NDUFA5: variants seen among roughly 807,000 people sequenced by gnomAD.
NDUFA5 encodes NADH dehydrogenase [ubiquinone] 1 alpha subcomplex subunit 5.
A neutral mutation model predicts 19.8 loss-of-function variants in NDUFA5; 11 were observed. That is an observed-to-expected ratio of 0.56 (90% CI 0.35 to 0.92). The LOEUF (loss-of-function observed/expected upper bound fraction) is 0.92, where lower values mean the gene tolerates loss of function less well. Among genes scored for constraint, NDUFA5 ranks in the 40% least tolerant of loss-of-function variants. The pLI, the probability that NDUFA5 is intolerant of heterozygous loss-of-function variation, is 0.01. For missense variants in NDUFA5, 109 were observed against 134.2 expected, an observed-to-expected ratio of 0.81 and a Z score of 0.93; for synonymous variants, 47 against 46.8, an observed-to-expected ratio of 1.00 and a Z score of -0.01.
chr7:123,543,451 C>A (rs1036098462), intron 4 of NDUFA5, among the ~76,000 whole-genome samples: 1 of 152,096 alleles, frequency 6.6e-6, no homozygotes, highest in Non-Finnish European at 1.5e-5. Flanking sequence ...TACATGGCTA[C>A]TGGGGACTTG....
chr7:123,575,663 T>C, the NDUFA5 span, among the ~76,000 whole-genome samples: 1 of 152,108 alleles, frequency 6.6e-6, no homozygotes, highest in Non-Finnish European at 1.5e-5. Flanking sequence ...GTAACCTTTA[T>C]CTTTGAAGGA....
At chr7:123,557,546 T>C (rs113869493) in intron 1 of NDUFA5, 98 bp from the exon 2 acceptor site, 3 of 1,611,254 alleles carry the variant, frequency 1.9e-6, no homozygotes, top group Admixed American at 3.3e-5. Context: ...CGGCTAAAAC[T>C]GGTCTAAAGC....
chr7:123,578,250 T>C, the NDUFA5 span, among the ~76,000 whole-genome samples: 2 of 151,112 alleles, frequency 1.3e-5, no homozygotes, highest in East Asian at 1.9e-4. Context: ...TTTGTATCAG[T>C]TGGAAAAAAA....
chr7:123,546,637 TAA>T, intron 3 of NDUFA5: 1 of 1,267,386 alleles, frequency 7.9e-7, no homozygotes, highest in South Asian at 1.3e-5. Flanking sequence ...ATAAATGGAA[TAA>T]AGAGGGAGAA....
rs1797958269 is a variant in NDUFA5 at position 123,542,022 on chromosome 7, CT to C, written c.*96del. Reference sequence around the variant, plus strand: ...CCTACATATTTTCTATATCACTTTTCTTGATTACAAAATGTCAGTAATAAGA... The same window carrying C: ...CCTACATATTTTCTATATCACTTTTCTGATTACAAAATGTCAGTAATAAGA... On this transcript the variant is annotated 3_prime_UTR_variant, in exon 5 of 5. Transcript: ENST00000355749. 4 of 791,216 alleles carry C rather than the reference CT, an allele frequency of 5.1e-6. No homozygotes were observed. In the South Asian group the frequency reaches 8.9e-5, roughly 18 times the overall value. 49.0% of individuals were successfully genotyped at this position (791,216 alleles called of 1,614,324 possible).
the NDUFA5 span, among the ~76,000 whole-genome samples, chr7:123,589,688 T>C: frequency 6.6e-6 from 1 of 152,158 alleles, no homozygotes; most frequent in South Asian, 2.1e-4. Flanking sequence ...GCATGGTGTA[T>C]ATGTGCCACA....
At position 123,540,109 on chromosome 7, in the gene NDUFA5, A is replaced by T. The variant is rs976809128; in HGVS notation, c.*2010T>A. ...GCATAATTGCAGGGGAAAACTACTC[A>T]CGTAGGGTTCTGGTTTCTTATCTGG... On this transcript the variant is annotated 3_prime_UTR_variant, in exon 5 of 5. Coordinates refer to ENST00000355749, the MANE Select transcript of NDUFA5 (RefSeq NM_005000.5). The T allele has an allele frequency of 6.6e-6, 1 of 152,078 alleles. No homozygotes were observed. The highest frequency in any genetic ancestry group is 1.5e-5 in the Non-Finnish European group (1 of 68,014). The allele number at this position is 152,078 out of a possible 1,614,324, so 9.4% of individuals were successfully genotyped here. A position where few individuals can be genotyped will look rare whatever the true frequency, so the allele number is the denominator to read the frequency against.
chr7:123,589,563 A>G, the NDUFA5 span, among the ~76,000 whole-genome samples: 11 of 152,032 alleles, frequency 7.2e-5, no homozygotes, highest in African/African-American at 2.4e-4. Context: ...GAGTGAGAAT[A>G]TGCTGTGTTT....
the NDUFA5 span, among the ~76,000 whole-genome samples, chr7:123,598,199 T>G: frequency 3.3e-5 from 5 of 152,186 alleles, no homozygotes; most frequent in Non-Finnish European, 7.3e-5. Flanking sequence ...AAGTATAATA[T>G]ACTTTTATAT....
chr7:123,550,638 T>G (rs747814414), intron 2 of NDUFA5, 52 bp from the exon 3 acceptor site: 2 of 1,052,676 alleles, frequency 1.9e-6, no homozygotes. Flanking sequence ...TACCAAAGAC[T>G]TAATGGAACA....
At chr7:123,574,800 GC>G in the NDUFA5 span, among the ~76,000 whole-genome samples, 1 of 151,872 alleles carries the variant, frequency 6.6e-6, no homozygotes. Context: ...CTAGTAACAG[GC>G]AGCTTACACA....
chr7:123,584,092 A>G, the NDUFA5 span, among the ~76,000 whole-genome samples: 1 of 151,864 alleles, frequency 6.6e-6, no homozygotes, highest in Admixed American at 6.6e-5. Flanking sequence ...GGTTTTAAGT[A>G]TCACTAATTT....
At chr7:123,592,743 G>A in the NDUFA5 span, among the ~76,000 whole-genome samples, 1 of 152,216 alleles carries the variant, frequency 6.6e-6, no homozygotes, top group Non-Finnish European at 1.5e-5. Flanking sequence ...ATGTGGTGCT[G>A]AGAAGAATGT....
chr7:123,537,638 G>A lies in NDUFA5; in HGVS notation c.*4481C>T, dbSNP rs1379157409. Reference sequence around the variant, plus strand: ...AAAATATATTCATATTCACATTGAAGTGCGATAAATACCACAAATAGCCTC... The same window carrying A: ...AAAATATATTCATATTCACATTGAAATGCGATAAATACCACAAATAGCCTC... On this transcript the variant is annotated 3_prime_UTR_variant, in exon 5 of 5. Coordinates refer to ENST00000355749, the MANE Select transcript of NDUFA5 (RefSeq NM_005000.5). The A allele has an allele frequency of 6.6e-6, 1 of 152,072 alleles. No individual in the cohort carries two copies. Among genetic ancestry groups the A allele is most frequent in the African/African-American group, 2.4e-5 (1 of 41,414 alleles). 9.4% of individuals were successfully genotyped at this position (152,072 alleles called of 1,614,324 possible).
In NDUFA5 at chr7:123,540,341, A is replaced by C. The variant is rs1397187911; in HGVS notation, c.*1778T>G. 6.6e-6 allele frequency: 1 copy of C among 152,164 alleles called. No homozygotes were observed. Among genetic ancestry groups the C allele is most frequent in the Admixed American group, 6.5e-5 (1 of 15,276 alleles). 9.4% of individuals were successfully genotyped at this position (152,164 alleles called of 1,614,324 possible). ...AACACCAGTAAGGTCCCCTTTTAGCAAAAAAGTTCAGTAACACTGTTGGTG... is the reference window on the plus strand; with the variant it reads ...AACACCAGTAAGGTCCCCTTTTAGCCAAAAAGTTCAGTAACACTGTTGGTG... On this transcript the variant is annotated 3_prime_UTR_variant, in exon 5 of 5. Transcript: ENST00000355749.
intron 4 of NDUFA5, 38 bp downstream of exon 4, chr7:123,545,573 A>G (rs1240756866): frequency 6.5e-7 from 1 of 1,538,438 alleles, no homozygotes; most frequent in South Asian, 1.1e-5. Flanking sequence ...GTGTGTCTCT[A>G]TGAAACCAAA....
At chr7:123,565,344 A>C in the NDUFA5 span, among the ~76,000 whole-genome samples, 1 of 151,534 alleles carries the variant, frequency 6.6e-6, no homozygotes, top group Non-Finnish European at 1.5e-5. Flanking sequence ...CCTCAGACGT[A>C]ACAGACGCAC....
At chr7:123,588,598 TC>T in the NDUFA5 span, among the ~76,000 whole-genome samples, 1 of 150,974 alleles carries the variant, frequency 6.6e-6, no homozygotes, top group Non-Finnish European at 1.5e-5. Context: ...TTCCTTTCTG[TC>T]TTTTTTCTAC....
the NDUFA5 span, among the ~76,000 whole-genome samples, chr7:123,579,287 A>T: frequency 1.3e-5 from 2 of 151,862 alleles, no homozygotes; most frequent in South Asian, 2.1e-4. Flanking sequence ...CATTTTCTTT[A>T]TAAGTGTAAT....
Sources: gnomAD v4.1 joint callset for allele counts (sites outside exome capture counted in the v4.1 genomes callset) on GRCh38, gnomAD v4.1.1 for gene constraint, MANE v1.5 for transcripts, NCBI Gene and HGNC (gene_info 2026-07-23, HGNC 2026-07-21) for gene names.